Variants in SLC25A26 observed in about 807,000 individuals in gnomAD.
SLC25A26 encodes the protein mitochondrial S-adenosylmethionine carrier protein.
In SLC25A26, 36 loss-of-function variants were observed where a neutral mutation model predicts 37.8. That is an observed-to-expected ratio of 0.95 (90% CI 0.73 to 1.26). The LOEUF (loss-of-function observed/expected upper bound fraction) is 1.26, where lower values mean the gene tolerates loss of function less well. Ranked by LOEUF, SLC25A26 falls within the 50% of genes most tolerant of loss-of-function variation. SLC25A26 has a pLI of 0.00. For missense variants in SLC25A26, 390 were observed against 331.1 expected, an observed-to-expected ratio of 1.18 and a Z score of -1.38; for synonymous variants, 129 against 122.5, an observed-to-expected ratio of 1.05 and a Z score of -0.35.
intron 5 of SLC25A26, among the ~76,000 whole-genome samples, chr3:66,294,663 C>T (rs2074835219): frequency 2.0e-5 from 3 of 152,030 alleles, no homozygotes; most frequent in African/African-American, 7.2e-5. Flanking sequence ...AATGAGTAGT[C>T]TTAGAATATC....
chr3:66,239,530 C>G (rs781825555), intron 2 of SLC25A26, among the ~76,000 whole-genome samples: 12 of 152,202 alleles, frequency 7.9e-5, no homozygotes, highest in Non-Finnish European at 1.6e-4. Flanking sequence ...GTTATCTTGA[C>G]ATTTTAAAGC....
At chr3:66,230,630 C>A (rs2071969782) in intron 1 of SLC25A26, among the ~76,000 whole-genome samples, 1 of 149,206 alleles carries the variant, frequency 6.7e-6, no homozygotes, top group East Asian at 2.0e-4. Context: ...ATGGAGAAAC[C>A]CTGTCTCTAC....
chr3:66,374,001 C>G (rs1049030942), intron 9 of SLC25A26, among the ~76,000 whole-genome samples: 11 of 150,130 alleles, frequency 7.3e-5, no homozygotes, highest in African/African-American at 2.8e-4. Context: ...GCTTGCTTGT[C>G]ATGGAGGCTT....
rs537638207 is a variant in SLC25A26 at position 66,344,637 on chromosome 3, C to T, written c.454-1727C>T. ...GCCTGTGCAGTGCCAGTACTGGGCC[C>T]GTGGCGTGTGCGTGTTCGTGGGCAT... is the stretch of plus-strand genomic sequence containing the variant. On this transcript the variant is annotated intron_variant, in intron 5 of 9. Transcript: ENST00000354883. Among the ~76,000 whole-genome samples, 21 of 152,320 alleles carry T rather than the reference C, an allele frequency of 1.4e-4. No individual in the cohort carries two copies. In the South Asian group the frequency reaches 1.4e-3, roughly 11 times the overall value.
intron 1 of SLC25A26, among the ~76,000 whole-genome samples, chr3:66,186,914 C>T (rs2070839673): frequency 6.6e-6 from 1 of 152,002 alleles, no homozygotes; most frequent in Non-Finnish European, 1.5e-5. Flanking sequence ...GAACTTTAAC[C>T]TCTACCTGAT....
At chr3:66,220,163 T>C (rs1260398659), upstream of SLC25A26, among the ~76,000 whole-genome samples, 2 of 152,228 alleles carry the variant, frequency 1.3e-5, no homozygotes, top group African/African-American at 2.4e-5. Flanking sequence ...GTGTTCTCTG[T>C]AGCCACATTG....
chr3:66,263,477 C>T lies in SLC25A26; in HGVS notation c.453+98C>T, dbSNP rs1339644659. On this transcript the variant is annotated intron_variant, in intron 5 of 9. Transcript: ENST00000354883. ...ACAATTAGAAATATATTTGGAGAAACTTGGTTTAAAAAATCAAAAAGGGAA... is the reference window on the plus strand; with the variant it reads ...ACAATTAGAAATATATTTGGAGAAATTTGGTTTAAAAAATCAAAAAGGGAA... The T allele has an allele frequency of 3.4e-5, 27 of 790,494 alleles. No homozygotes were observed. In the South Asian group the frequency reaches 4.3e-4, roughly 13 times the overall value. The allele number at this position is 790,494 out of a possible 1,614,324, so 49.0% of individuals were successfully genotyped here.
chr3:66,170,794 T>G (rs889114377), intron 1 of SLC25A26, among the ~76,000 whole-genome samples: 2 of 91,076 alleles, frequency 2.2e-5, no homozygotes, highest in East Asian at 2.9e-4. Flanking sequence ...GATTATTGTT[T>G]TTTTTTTTTT....
At chr3:66,353,321 T>C (rs2076502624) in intron 6 of SLC25A26, among the ~76,000 whole-genome samples, 1 of 152,114 alleles carries the variant, frequency 6.6e-6, no homozygotes, top group Non-Finnish European at 1.5e-5. Flanking sequence ...TTCCCACACA[T>C]CTCCTGTTCA....
chr3:66,290,003 G>C (rs1014525100), intron 5 of SLC25A26, among the ~76,000 whole-genome samples: 3 of 152,116 alleles, frequency 2.0e-5, no homozygotes, highest in Non-Finnish European at 4.4e-5. Flanking sequence ...TTGAGCAGTG[G>C]TTTGTAGTTC....
At chr3:66,281,806 C>T (rs980038183) in intron 5 of SLC25A26, among the ~76,000 whole-genome samples, 7 of 146,300 alleles carry the variant, frequency 4.8e-5, no homozygotes. Context: ...GTTCATGTGA[C>T]ATTTCCCCGT....
chr3:66,267,892 G>T (rs1339958805), intron 5 of SLC25A26, among the ~76,000 whole-genome samples: 2 of 152,144 alleles, frequency 1.3e-5, no homozygotes. Flanking sequence ...CCAGTGGCTG[G>T]AAACGGGAAC....
chr3:66,295,424 G>A (rs1377430375), intron 5 of SLC25A26, among the ~76,000 whole-genome samples: 2 of 132,008 alleles, frequency 1.5e-5, no homozygotes, highest in African/African-American at 5.6e-5. Flanking sequence ...TTTTTTTTGA[G>A]ATGGAGTCTC....
intron 6 of SLC25A26, among the ~76,000 whole-genome samples, chr3:66,350,912 A>G (rs2076438886): frequency 6.6e-6 from 1 of 152,118 alleles, no homozygotes; most frequent in South Asian, 2.1e-4. Context: ...GAAGTCTTCT[A>G]ATGAAGGCCT....
chr3:66,175,186 A>G (rs1321019591), intron 1 of SLC25A26, among the ~76,000 whole-genome samples: 1 of 149,582 alleles, frequency 6.7e-6, no homozygotes, highest in African/African-American at 2.4e-5. Context: ...ACACATACAT[A>G]TATATACACA....
chr3:66,170,412 A>T (rs185130471), intron 1 of SLC25A26, among the ~76,000 whole-genome samples: 1 of 152,324 alleles, frequency 6.6e-6, no homozygotes, highest in Admixed American at 6.5e-5. Flanking sequence ...TACTATGCAC[A>T]GGACACTAAT....
chr3:66,247,653 A>G (rs1241083468), intron 3 of SLC25A26, among the ~76,000 whole-genome samples: 1 of 152,202 alleles, frequency 6.6e-6, no homozygotes, highest in East Asian at 1.9e-4. Context: ...ATGGTTTAGT[A>G]TGCTGAGAAG....
chr3:66,269,708 T>C (rs2073888602), intron 5 of SLC25A26, among the ~76,000 whole-genome samples: 1 of 152,160 alleles, frequency 6.6e-6, no homozygotes, highest in Non-Finnish European at 1.5e-5. Flanking sequence ...CTGCTTATCA[T>C]GATTGTAAAA....
At chr3:66,273,771 C>A (rs1156914788) in intron 5 of SLC25A26, among the ~76,000 whole-genome samples, 2 of 152,130 alleles carry the variant, frequency 1.3e-5, no homozygotes, top group Admixed American at 6.5e-5. Context: ...AATGGAAGAA[C>A]ATTCCATGCT....
Sources: allele counts gnomAD v4.1 joint callset (sites outside exome capture counted in the v4.1 genomes callset), GRCh38; gene constraint gnomAD v4.1.1; transcripts MANE v1.5; gene names NCBI Gene and HGNC (gene_info 2026-07-23, HGNC 2026-07-21).